USP9Y: variants seen among roughly 807,000 people sequenced by gnomAD.
USP9Y encodes ubiquitin carboxyl-terminal hydrolase 9Y.
A neutral mutation model predicts 53.1 loss-of-function variants in USP9Y; 41 were observed. That is an observed-to-expected ratio of 0.77 (90% confidence interval 0.60 to 1.00). USP9Y has a LOEUF of 1.00. Ranked by LOEUF, USP9Y falls within the 50% of genes least tolerant of loss-of-function variation. The probability of loss-of-function intolerance (pLI) is 0.00; values close to 1 mark genes in which losing one functional copy is unlikely to be tolerated. For missense variants in USP9Y, 567 were observed against 535.8 expected (o/e 1.06, Z -0.58); for synonymous variants, 220 against 173.7 (o/e 1.27, Z -2.09).
At chrY:12,738,415 A>G in intron 11 of USP9Y, 106 bp downstream of exon 11, 1 of 199,256 alleles carries the variant, frequency 5.0e-6, no homozygotes. Flanking sequence ...CCTGACTTTT[A>G]CTAATGCATG....
chrY:12,785,570 A>C, intron 22 of USP9Y, among the ~76,000 whole-genome samples: 2 of 33,139 alleles, frequency 6.0e-5, no homozygotes, highest in Non-Finnish European at 1.5e-4. Context: ...ATTGAGAGCT[A>C]CCAAGTTTTT....
At chrY:12,724,412 T>G (rs2053439298) in intron 5 of USP9Y, among the ~76,000 whole-genome samples, 1 of 33,157 alleles carries the variant, frequency 3.0e-5, no homozygotes, top group Non-Finnish European at 7.4e-5. Flanking sequence ...CAAAACCCTG[T>G]CTGTACAAAA....
At chrY:12,826,358 G>A (rs2053546106) in intron 33 of USP9Y, among the ~76,000 whole-genome samples, 1 of 31,312 alleles carries the variant, frequency 3.2e-5, no homozygotes. Flanking sequence ...CAAGGTGCGC[G>A]GATCACTTGA....
intron 15 of USP9Y, among the ~76,000 whole-genome samples, chrY:12,762,162 A>C: frequency 3.0e-5 from 1 of 32,887 alleles, no homozygotes; most frequent in Non-Finnish European, 7.5e-5. Flanking sequence ...GCAACATAAA[A>C]TTTGCATATC....
chrY:12,779,888 G>A, intron 22 of USP9Y, among the ~76,000 whole-genome samples: 1 of 33,205 alleles, frequency 3.0e-5, no homozygotes, highest in Non-Finnish European at 7.5e-5. Flanking sequence ...CAGAAAGTCA[G>A]GGTTCTTTCA....
chrY:12,839,867 G>A lies in USP9Y; in HGVS notation c.5341G>A (p.Asp1781Asn). 1 of 397,654 alleles carries A rather than the reference G, an allele frequency of 2.5e-6. No homozygotes were observed. Among genetic ancestry groups the A allele is most frequent in the Non-Finnish European group, 3.5e-6 (1 of 282,731 alleles). ...YHCEKCDKKVDTVKRLLIKKL... is the reference protein window; with the variant it reads ...YHCEKCDKKVNTVKRLLIKKL... ...TTATATTCTCTGTTTATTATAGGTTGACACAGTAAAGCGCCTGCTAATTAA... is the reference window on the plus strand; with the variant it reads ...TTATATTCTCTGTTTATTATAGGTTAACACAGTAAAGCGCCTGCTAATTAA... Residue 1781 changes from aspartate (D) to asparagine (N), a missense_variant, in exon 36 of 46, where the codon GAC becomes AAC. Physicochemically the swap from Asp to Asn is conservative, Grantham distance 23. Transcript: ENST00000338981.
chrY:12,780,784 GA>G (rs2053497897), intron 22 of USP9Y, among the ~76,000 whole-genome samples: 1 of 32,809 alleles, frequency 3.0e-5, no homozygotes, highest in Non-Finnish European at 7.5e-5. Flanking sequence ...GTTTTACTTT[GA>G]TTTTTTTGTT....
At chrY:12,779,279 A>C (rs2053496485) in intron 21 of USP9Y, among the ~76,000 whole-genome samples, 1 of 33,110 alleles carries the variant, frequency 3.0e-5, no homozygotes, top group African/African-American at 1.2e-4. Context: ...AAATCGAAAA[A>C]CTGTTGCAAT....
chrY:12,833,649 A>T, intron 33 of USP9Y, 39 bp from the exon 34 acceptor site: 2 of 363,536 alleles, frequency 5.5e-6, no homozygotes, highest in Non-Finnish European at 8.0e-6. Flanking sequence ...TATTCTAGGC[A>T]TGTATTACAT....
At chrY:12,792,890 A>G in intron 26 of USP9Y, 142 bp from the exon 27 acceptor site, 2 of 193,405 alleles carry the variant, frequency 1.0e-5, no homozygotes, top group Admixed American at 1.8e-4. Flanking sequence ...GTATATCCCA[A>G]AGAGCCTCTC....
intron 16 of USP9Y, among the ~76,000 whole-genome samples, chrY:12,771,766 G>GTT (rs2053486143): frequency 3.6e-5 from 1 of 28,092 alleles, no homozygotes; most frequent in African/African-American, 1.4e-4. Context: ...CATAAAGTCT[G>GTT]TTTTTTTTTT....
chrY:12,740,766 T>A, intron 12 of USP9Y, among the ~76,000 whole-genome samples: 1 of 33,019 alleles, frequency 3.0e-5, no homozygotes, highest in Non-Finnish European at 7.4e-5. Context: ...TTTCCTATTG[T>A]TTTTAGTCCT....
In USP9Y at chrY:12,791,558, A is replaced by G. The variant is rs2053508291; in HGVS notation, c.3747A>G (p.Ala1249=). The G allele has an allele frequency of 2.5e-6, 1 of 392,864 alleles. No individual in the cohort carries two copies. The highest frequency in any genetic ancestry group is 9.3e-5 in the East Asian group (1 of 10,741). The change falls in exon 26 of 46, where the codon GCA becomes GCG. Residue 1249 remains alanine, a synonymous_variant. Transcript: ENST00000338981. ...VIRAIQKIIW[A]SACGALGLVF... ...GGGCTATACAGAAAATTATCTGGGC[A>G]TCAGCATGTGGGGCATTAGGACTAG...
intron 44 of USP9Y, chrY:12,857,232 G>A: frequency 1.5e-5 from 1 of 65,433 alleles, no homozygotes; most frequent in Non-Finnish European, 3.2e-5. Context: ...TCAGCCTCCC[G>A]AGTAGCTGGG....
rs756254516 is a variant in USP9Y at position 12,757,905 on chromosome Y, AT to A, written c.1629+512del. 1.5e-4 allele frequency among the ~76,000 whole-genome samples: 5 copies of A among 33,745 alleles called. No individual in the cohort carries two copies. In the East Asian group the frequency reaches 3.8e-3, roughly 26 times the overall value. 90.5% of individuals were successfully genotyped at this position (33,745 alleles called of 37,273 possible). ...AGATTTTATATATCATTCACTAAGC[AT>A]TTTTGCCTCACTGAGACAAAGATGT... is the stretch of plus-strand genomic sequence containing the variant. On this transcript the variant is annotated intron_variant, in intron 13 of 45. Coordinates refer to ENST00000338981, the MANE Select transcript of USP9Y (RefSeq NM_004654.4).
intron 12 of USP9Y, among the ~76,000 whole-genome samples, chrY:12,751,246 G>A: frequency 6.2e-5 from 2 of 32,318 alleles, no homozygotes; most frequent in South Asian, 6.9e-4. Flanking sequence ...TCCTGACCTC[G>A]TGATCCGCCA....
intron 12 of USP9Y, among the ~76,000 whole-genome samples, chrY:12,748,437 G>T (rs2053462080): frequency 3.0e-5 from 1 of 33,426 alleles, no homozygotes; most frequent in Admixed American, 2.7e-4. Flanking sequence ...CTGGTTAAAG[G>T]CTTTTTGAGT....
At chrY:12,825,926 T>G in intron 33 of USP9Y, among the ~76,000 whole-genome samples, 1 of 28,256 alleles carries the variant, frequency 3.5e-5, no homozygotes, top group African/African-American at 1.4e-4. Flanking sequence ...TTCTTTTCTT[T>G]TCTTTTCTTT....
At chrY:12,744,908 A>G (rs941281946) in intron 12 of USP9Y, among the ~76,000 whole-genome samples, 120 of 33,364 alleles carry the variant, frequency 3.6e-3, no homozygotes, top group Non-Finnish European at 8.0e-3. Context: ...TCTGGATTAT[A>G]GGTTACCTGG....
Sources: gnomAD v4.1 joint callset for allele counts (sites outside exome capture counted in the v4.1 genomes callset) on GRCh38, gnomAD v4.1.1 for gene constraint, MANE v1.5 for transcripts, NCBI Gene and HGNC (gene_info 2026-07-23, HGNC 2026-07-21) for gene names.